SH3BP4: variants seen among roughly 807,000 people sequenced by gnomAD.
SH3BP4 encodes SH3 domain-binding protein 4.
Under a neutral mutation model 65.5 loss-of-function variants are expected in SH3BP4, and 33 were observed. The ratio of observed to expected loss-of-function variants is 0.50; its 90% CI spans 0.38 to 0.67. SH3BP4 has a LOEUF of 0.67. Among genes scored for constraint, SH3BP4 ranks in the 30% least tolerant of loss-of-function variants. The pLI, the probability that SH3BP4 is intolerant of heterozygous loss-of-function variation, is 0.00. For missense variants in SH3BP4, 1,134 were observed against 1,261.4 expected, an observed-to-expected ratio of 0.90 and a Z score of 1.53; for synonymous variants, 552 against 545.5, an observed-to-expected ratio of 1.01 and a Z score of -0.17.
intron 1 of SH3BP4, among the ~76,000 whole-genome samples, chr2:234,986,086 C>T (rs1401065956): frequency 6.6e-6 from 1 of 151,544 alleles, no homozygotes; most frequent in Non-Finnish European, 1.5e-5. Context: ...GCAGGTGAAC[C>T]AGCCCTTGAC....
At position 234,969,827 on chromosome 2, in the gene SH3BP4, G is replaced by A. The variant is rs146155837; in HGVS notation, c.-207+17657G>A. ...TCCTTCTCAGCTTTCAGGCTGAGAC[G>A]CGTGCTTGCGCGCACACACACACCC... On this transcript the variant is annotated intron_variant, in intron 1 of 5. Coordinates refer to ENST00000392011, the MANE Select transcript of SH3BP4 (RefSeq NM_014521.3). Among the ~76,000 whole-genome samples, 33 of 152,192 alleles carry A rather than the reference G, an allele frequency of 2.2e-4. No homozygotes were observed. The East Asian group carries it at 5.0e-3, about 23-fold the overall frequency.
At chr2:235,019,480 A>G (rs1694786846) in intron 2 of SH3BP4, among the ~76,000 whole-genome samples, 1 of 138,846 alleles carries the variant, frequency 7.2e-6, no homozygotes, top group Non-Finnish European at 1.5e-5. Context: ...TTTGTTGCCC[A>G]GGCTAGAGTG....
Position 235,041,442 on chromosome 2 carries a change from G to C in SH3BP4, c.673G>C (p.Gly225Arg). The C allele has an allele frequency of 6.2e-7, 1 of 1,614,138 alleles. No homozygotes were observed. Among genetic ancestry groups the C allele is most frequent in the Middle Eastern group, 1.6e-4 (1 of 6,062 alleles). Reference protein sequence around the residue: ...NIFDELPVTNGLHAEPPVRRD... With the variant: ...NIFDELPVTNRLHAEPPVRRD... ...CTTCGATGAGCTTCCAGTCACAAAC[G>C]GACTCCACGCAGAGCCGCCGGTCAG... Residue 225 changes from glycine to arginine, a missense_variant, in exon 4 of 6, where the codon GGA (glycine) becomes CGA (arginine). Coordinates refer to ENST00000392011, the MANE Select transcript of SH3BP4 (RefSeq NM_014521.3). This position sits in a 1 kb window ranked among gnomAD's most constrained non-coding sequence, Gnocchi z 6.0.
In SH3BP4 at chr2:235,033,129, C is replaced by A. The variant is rs979815531; in HGVS notation, c.-132-1742C>A. Among the ~76,000 whole-genome samples the A allele has an allele frequency of 2.0e-5, 3 of 152,144 alleles. No homozygotes were observed. The highest frequency in any genetic ancestry group is 4.4e-5 in the Non-Finnish European group (3 of 68,010). Reference sequence around the variant, plus strand: ...CTCTGCCGCTCCCCAGAGAGGTGGCCACCATGCCCTCCTCTCCTGCCGCCT... The same window carrying A: ...CTCTGCCGCTCCCCAGAGAGGTGGCAACCATGCCCTCCTCTCCTGCCGCCT... On this transcript the variant is annotated intron_variant, in intron 2 of 5. Coordinates refer to ENST00000392011, the MANE Select transcript of SH3BP4 (RefSeq NM_014521.3). The surrounding 1 kb of genome is among the most constrained non-coding windows in gnomAD (Gnocchi z 5.7).
At chr2:235,007,738 GC>G (rs1694342683) in intron 2 of SH3BP4, among the ~76,000 whole-genome samples, 1 of 152,110 alleles carries the variant, frequency 6.6e-6, no homozygotes, top group Non-Finnish European at 1.5e-5. Context: ...GCCATCCTGA[GC>G]CCGGGCTGCG....
At chr2:234,970,336 G>A (rs1692961372) in intron 1 of SH3BP4, among the ~76,000 whole-genome samples, 1 of 152,206 alleles carries the variant, frequency 6.6e-6, no homozygotes, top group African/African-American at 2.4e-5. Flanking sequence ...CAACTGTGAA[G>A]GTTAAAGATA....
At chr2:234,956,222 A>G (rs1692582778) in intron 1 of SH3BP4, among the ~76,000 whole-genome samples, 1 of 152,208 alleles carries the variant, frequency 6.6e-6, no homozygotes, top group Non-Finnish European at 1.5e-5. Context: ...GTGACTTTGA[A>G]GTTGGGATAA....
chr2:235,024,279 C>A (rs1694929729), intron 2 of SH3BP4, among the ~76,000 whole-genome samples: 1 of 152,232 alleles, frequency 6.6e-6, no homozygotes, highest in Non-Finnish European at 1.5e-5. Context: ...AGTCATCTCT[C>A]CTAAGCGACG....
chr2:235,027,616 T>C (rs1695042667), intron 2 of SH3BP4, among the ~76,000 whole-genome samples: 1 of 152,190 alleles, frequency 6.6e-6, no homozygotes, highest in Non-Finnish European at 1.5e-5. Context: ...GAAATCAACA[T>C]GATACTCCAG....
chr2:234,988,230 T>G (rs2106265772), intron 1 of SH3BP4, among the ~76,000 whole-genome samples: 2 of 152,176 alleles, frequency 1.3e-5, no homozygotes, highest in South Asian at 4.2e-4. Context: ...TGGCTAATTT[T>G]TTGTATTTTT....
At position 235,043,290 on chromosome 2, in the gene SH3BP4, A is replaced by G. The variant is rs200379469; in HGVS notation, c.2478+43A>G. On this transcript the variant is annotated intron_variant, in intron 4 of 5. Coordinates refer to ENST00000392011, the MANE Select transcript of SH3BP4 (RefSeq NM_014521.3). Reference sequence around the variant, plus strand: ...GCCTGGGCGTTCAGGGGTGCTGCTCAGCAAAGCCTTTCCGCCTTCCCAGTG... The same window carrying G: ...GCCTGGGCGTTCAGGGGTGCTGCTCGGCAAAGCCTTTCCGCCTTCCCAGTG... The G allele has an allele frequency of 7.9e-5, 118 of 1,486,390 alleles. 1 individual carries two copies. Among genetic ancestry groups the G allele is most frequent in the Admixed American group, 5.6e-4 (26 of 46,356 alleles). The allele number at this position is 1,486,390 out of a possible 1,614,324, so 92.1% of individuals were successfully genotyped here. A position where few individuals can be genotyped will look rare whatever the true frequency, so the allele number is the denominator to read the frequency against.
chr2:234,964,579 G>A lies in SH3BP4; in HGVS notation c.-207+12409G>A, dbSNP rs777638216. 2.6e-5 allele frequency among the ~76,000 whole-genome samples: 4 copies of A among 152,222 alleles called. No homozygotes were observed. In the East Asian group the frequency reaches 7.8e-4, roughly 30 times the overall value. On this transcript the variant is annotated intron_variant, in intron 1 of 5. Coordinates refer to ENST00000392011, the MANE Select transcript of SH3BP4 (RefSeq NM_014521.3). ...AGGATCCCTAAAGAAGCCCCACTAAGTAGGGGGACCTGAAGAATGAGCAGG... is the reference window on the plus strand; with the variant it reads ...AGGATCCCTAAAGAAGCCCCACTAAATAGGGGGACCTGAAGAATGAGCAGG...
chr2:234,998,109 C>T (rs770111400), intron 2 of SH3BP4, among the ~76,000 whole-genome samples: 34 of 151,934 alleles, frequency 2.2e-4, no homozygotes, highest in Middle Eastern at 3.4e-3. Context: ...GGCGACAGAG[C>T]GAGACTCCAT....
intron 1 of SH3BP4, among the ~76,000 whole-genome samples, chr2:234,966,389 A>G (rs1692839179): frequency 6.6e-6 from 1 of 152,198 alleles, no homozygotes; most frequent in African/African-American, 2.4e-5. Context: ...TAATTAAAAA[A>G]AGAGGAGGAA....
At chr2:235,014,438 G>T (rs1222707376) in intron 2 of SH3BP4, among the ~76,000 whole-genome samples, 1 of 152,124 alleles carries the variant, frequency 6.6e-6, no homozygotes, top group Non-Finnish European at 1.5e-5. Context: ...TGAGAATAGG[G>T]GTGTGTCCCA....
chr2:235,012,594 A>G (rs1320865498), intron 2 of SH3BP4, among the ~76,000 whole-genome samples: 1 of 152,130 alleles, frequency 6.6e-6, no homozygotes, highest in African/African-American at 2.4e-5. Context: ...CCTGACCCCA[A>G]GCCTCGCTCA....
In SH3BP4 at chr2:235,034,976, G is replaced by A. The variant is rs113798402; in HGVS notation, c.-27G>A. 165 of 1,590,046 alleles carry A rather than the reference G, an allele frequency of 1.0e-4. 1 individual carries two copies. Among genetic ancestry groups the A allele is most frequent in the South Asian group, 4.9e-4 (44 of 90,610 alleles). ...GGAGGAAGAAATATGAAGCCTTAGC[G>A]GCTTTACCCGGGAAGCGAGTTTCGA... is the stretch of plus-strand genomic sequence containing the variant. On this transcript the variant is annotated 5_prime_UTR_variant, in exon 3 of 6. Transcript: ENST00000392011. The surrounding 1 kb of genome is among the most constrained non-coding windows in gnomAD (Gnocchi z 6.2).
At chr2:235,038,059 C>T (rs949578107) in intron 3 of SH3BP4, among the ~76,000 whole-genome samples, 10 of 150,532 alleles carry the variant, frequency 6.6e-5, no homozygotes, top group African/African-American at 9.8e-5. Flanking sequence ...CGCTACGCGC[C>T]AGGCCTTGTA....
chr2:235,053,476 A>T lies in SH3BP4; in HGVS notation c.2668-116A>T, dbSNP rs111554520. The T allele has an allele frequency of 7.5e-3, 5,461 of 731,742 alleles. 40 individuals are homozygous for T. The highest frequency in any genetic ancestry group is 0.01 in the Non-Finnish European group (4,492 of 432,584). The allele number at this position is 731,742 out of a possible 1,614,324, so 45.3% of individuals were successfully genotyped here. A position where few individuals can be genotyped will look rare whatever the true frequency, so the allele number is the denominator to read the frequency against. On this transcript the variant is annotated intron_variant, in intron 5 of 5. Coordinates refer to ENST00000392011, the MANE Select transcript of SH3BP4 (RefSeq NM_014521.3). ...TGTGGGCTTGTCTCACTCGTGAAAG[A>T]GTGTCCCAAATAGTGACTACTGAAG...
Sources: allele counts gnomAD v4.1 joint callset (sites outside exome capture counted in the v4.1 genomes callset), GRCh38; gene constraint gnomAD v4.1.1; non-coding constraint Gnocchi (gnomAD v3.1); transcripts MANE v1.5; gene names NCBI Gene and HGNC (gene_info 2026-07-23, HGNC 2026-07-21).